Variants in RGS12 observed in about 807,000 individuals in gnomAD.
RGS12 encodes the protein regulator of G-protein signaling 12.
Under a neutral mutation model 120.1 loss-of-function variants are expected in RGS12, and 66 were observed. The ratio of observed to expected loss-of-function variants is 0.55; its 90% CI spans 0.45 to 0.67. The LOEUF is 0.67. Among genes scored for constraint, RGS12 ranks in the 30% least tolerant of loss-of-function variants. The pLI is 0.00. For missense variants in RGS12, 1,859 were observed against 1,957.7 expected, an observed-to-expected ratio of 0.95 and a Z score of 0.95; for synonymous variants, 827 against 804.7, an observed-to-expected ratio of 1.03 and a Z score of -0.47.
At chr4:3,434,159 G>C (rs1724592234) in intron 17 of RGS12, among the ~76,000 whole-genome samples, 1 of 152,198 alleles carries the variant, frequency 6.6e-6, no homozygotes, top group South Asian at 2.1e-4. Context: ...GAAACTTACA[G>C]TCATGGCAGA....
intron 2 of RGS12, among the ~76,000 whole-genome samples, chr4:3,331,813 G>A (rs1711878632): frequency 6.6e-6 from 1 of 152,216 alleles, no homozygotes; most frequent in African/African-American, 2.4e-5. Flanking sequence ...CCCAGTCCTG[G>A]GAAGGAACGG....
intron 1 of RGS12, among the ~76,000 whole-genome samples, chr4:3,296,748 A>G (rs1723404250): frequency 6.6e-6 from 1 of 152,214 alleles, no homozygotes; most frequent in South Asian, 2.1e-4. Flanking sequence ...TGTCCAGGGA[A>G]GGTCCCTGTG....
chr4:3,380,230 C>T (rs188962576), intron 3 of RGS12, among the ~76,000 whole-genome samples: 123 of 152,376 alleles, frequency 8.1e-4, no homozygotes, highest in Middle Eastern at 3.4e-3. Context: ...GTCCCACATC[C>T]AGGGCATGCT....
At chr4:3,393,907 G>A (rs1431994802) in intron 4 of RGS12, among the ~76,000 whole-genome samples, 3 of 152,178 alleles carry the variant, frequency 2.0e-5, no homozygotes, top group South Asian at 2.1e-4. Context: ...GAAAGAGCAG[G>A]TTCTCCTCTC....
chr4:3,310,657 C>G (rs775967967), intron 1 of RGS12, among the ~76,000 whole-genome samples: 1 of 151,490 alleles, frequency 6.6e-6, no homozygotes, highest in Non-Finnish European at 1.5e-5. Context: ...GGTATCAGAT[C>G]GTCTGGTGTG....
chr4:3,435,342 G>A (rs1171719831), intron 17 of RGS12, among the ~76,000 whole-genome samples: 1 of 152,092 alleles, frequency 6.6e-6, no homozygotes, highest in Non-Finnish European at 1.5e-5. Context: ...TCCAAGAGAG[G>A]CCTCCTCGGC....
chr4:3,322,921 C>G (rs1057286764), intron 2 of RGS12, among the ~76,000 whole-genome samples: 1 of 152,164 alleles, frequency 6.6e-6, no homozygotes, highest in East Asian at 1.9e-4. Context: ...AGTTCCTTCT[C>G]AACTGTTGCT....
intron 17 of RGS12, among the ~76,000 whole-genome samples, chr4:3,438,385 C>G (rs1264498836): frequency 6.7e-6 from 1 of 148,770 alleles, no homozygotes; most frequent in South Asian, 2.2e-4. Context: ...GGTGGGGTCA[C>G]TGGGCGGGTC....
At position 3,382,736 on chromosome 4, in the gene RGS12, T is replaced by C. The variant is rs537635650; in HGVS notation, c.1999-3680T>C. 2.6e-5 allele frequency among the ~76,000 whole-genome samples: 4 copies of C among 152,320 alleles called. No homozygotes were observed. In the East Asian group the frequency reaches 7.7e-4, roughly 29 times the overall value. On this transcript the variant is annotated intron_variant, in intron 3 of 17. Coordinates refer to ENST00000336727, the MANE Select transcript of RGS12 (RefSeq NM_001394154.1). ...GTTCCATCTTCCAGTTCCCAAATCC[T>C]CTCTTCAACTGCCTAATCTCTGTTT...
intron 4 of RGS12, among the ~76,000 whole-genome samples, chr4:3,408,740 G>A (rs957375353): frequency 2.0e-5 from 3 of 152,166 alleles, no homozygotes; most frequent in African/African-American, 7.2e-5. Context: ...GGGCAGCCGG[G>A]GCTGTGGCCC....
chr4:3,439,267 C>T (rs1340976281), intron 17 of RGS12, among the ~76,000 whole-genome samples, 188 bp from the exon 18 acceptor site: 2 of 152,118 alleles, frequency 1.3e-5, no homozygotes. Context: ...GAACACTGCA[C>T]CTCCCCTGGG....
rs1724311325 is a variant in RGS12, at chr4:3,431,558, G to T, written c.4114+603G>T. The T allele has an allele frequency of 5.1e-6, 5 of 985,932 alleles. No individual in the cohort carries two copies. In the South Asian group the frequency reaches 2.3e-4, roughly 46 times the overall value. The allele number at this position is 985,932 out of a possible 1,614,324, so 61.1% of individuals were successfully genotyped here. On this transcript the variant is annotated intron_variant, in intron 17 of 17. Coordinates refer to ENST00000336727, the MANE Select transcript of RGS12 (RefSeq NM_001394154.1). ...GTGTCACGGGCATTTCTCAAAGGAA[G>T]CAGGGGATTCAGTGAGTGTGAAGGT...
At chr4:3,364,202 T>C (rs1716044374) in intron 3 of RGS12, among the ~76,000 whole-genome samples, 1 of 152,214 alleles carries the variant, frequency 6.6e-6, no homozygotes, top group South Asian at 2.1e-4. Context: ...TCTCTTGAGT[T>C]CTGGCTTGGA....
chr4:3,321,847 A>G (rs1375733067), intron 2 of RGS12, among the ~76,000 whole-genome samples: 1 of 152,230 alleles, frequency 6.6e-6, no homozygotes, highest in Non-Finnish European at 1.5e-5. Flanking sequence ...TTCCCTCTAC[A>G]CAGTTATTAC....
At position 3,317,521 on chromosome 4, in the gene RGS12, G is replaced by C; in HGVS notation, c.1351G>C (p.Gly451Arg). The change falls in exon 2 of 18, where the codon GGC (glycine) becomes CGC (arginine). Residue 451 changes from glycine (G) to arginine (R), a missense_variant. By Grantham distance (125) the Gly-to-Arg change is moderately radical. Around this residue, in one of 3 missense-constraint regions of RGS12, gnomAD observed 967 missense variants for 994.2 expected, o/e 0.97. Transcript: ENST00000336727. ...VDLGGSSSRH[G>R]PGGSAWDGVG... is the part of the protein sequence containing the mutation. The stretch of plus-strand genomic sequence containing the variant: ...CCTGGGTGGGAGCTCGAGCAGACAC[G>C]GCCCCGGAGGCAGCGCGTGGGACGG... 1 of 1,612,000 alleles carries C rather than the reference G, an allele frequency of 6.2e-7. No homozygotes were observed. The highest frequency in any genetic ancestry group is 8.5e-7 in the Non-Finnish European group (1 of 1,179,938).
intron 1 of RGS12, among the ~76,000 whole-genome samples, chr4:3,311,229 G>A (rs969663980): frequency 1.2e-4 from 18 of 152,214 alleles, no homozygotes; most frequent in Non-Finnish European, 2.2e-4. Context: ...GTGCGGACGG[G>A]TGCTGGCTTG....
Position 3,309,555 on chromosome 4 carries a change from C to T in RGS12, c.-101-6515C>T, listed in dbSNP as rs1349102847. On this transcript the variant is annotated intron_variant, in intron 1 of 17. Coordinates refer to ENST00000336727, the MANE Select transcript of RGS12 (RefSeq NM_001394154.1). ...AGCTGAGCAGGAGAGGAGCTGGGGCCTGGGAATGGCAGGTGTCTGCTGAGG... is the reference window on the plus strand; with the variant it reads ...AGCTGAGCAGGAGAGGAGCTGGGGCTTGGGAATGGCAGGTGTCTGCTGAGG... Among the ~76,000 whole-genome samples the T allele has an allele frequency of 2.1e-3, 236 of 114,656 alleles. 1 individual carries two copies. Among genetic ancestry groups the T allele is most frequent in the African/African-American group, 8.1e-3 (200 of 24,572 alleles). The allele number at this position is 114,656 out of a possible 152,430, so 75.2% of individuals were successfully genotyped here. A position where few individuals can be genotyped will look rare whatever the true frequency, so the allele number is the denominator to read the frequency against.
intron 1 of RGS12, chr4:3,312,629 C>A: frequency 4.3e-6 from 1 of 232,482 alleles, no homozygotes. Flanking sequence ...AGAGGAACCA[C>A]CACCTGAAAG....
rs543286650 is a variant in RGS12 at position 3,390,510 on chromosome 4, A to G, written c.2020+4073A>G. Among the ~76,000 whole-genome samples the G allele has an allele frequency of 2.0e-4, 31 of 152,324 alleles. No homozygotes were observed. The highest frequency in any genetic ancestry group is 7.5e-4 in the African/African-American group (31 of 41,566). ...TGAAACCTTCTCAAAAAGCACACAC[A>G]AGCACAGAAGCAGAAACTCCTGTGT... On this transcript the variant is annotated intron_variant, in intron 4 of 17. Transcript: ENST00000336727. This position sits in a 1 kb window ranked among gnomAD's most constrained non-coding sequence, Gnocchi z 4.6.
Sources: allele counts gnomAD v4.1 joint callset (sites outside exome capture counted in the v4.1 genomes callset), GRCh38; gene constraint gnomAD v4.1.1; regional missense constraint gnomAD v4.1.1; non-coding constraint Gnocchi (gnomAD v3.1); transcripts MANE v1.5; gene names NCBI Gene and HGNC (gene_info 2026-07-23, HGNC 2026-07-21).